The following SLC1A3 variants were observed in gnomAD, a reference collection of about 807,000 sequenced individuals.
The protein encoded by SLC1A3 is solute carrier family 1 member 3, also known as excitatory amino acid transporter 1.
SLC1A3 carries 21 observed loss-of-function variants against 48.1 expected under a neutral mutation model. The observed-to-expected ratio is 0.44, with a 90% CI of 0.31 to 0.63. The LOEUF (loss-of-function observed/expected upper bound fraction) is 0.63. SLC1A3 is among the 20% of genes least tolerant of loss of function. The probability of loss-of-function intolerance (pLI) is 0.08; values close to 1 mark genes in which losing one functional copy is unlikely to be tolerated. For synonymous variants in SLC1A3, 239 were observed against 251.4 expected (o/e 0.95, Z 0.47); for missense variants, 546 against 689.0 (o/e 0.79, Z 2.32).
chr5:36,671,240 C>T lies in SLC1A3; in HGVS notation c.524+7C>T. On this transcript the variant is annotated splice_region_variant and intron_variant, in intron 4 of 9. Transcript: ENST00000265113. ...CCTTCCTGGACTTGATCAGGTATGT[C>T]CTTGCAAGCCCGTCCTTTGGGGTGT... is the stretch of plus-strand genomic sequence containing the variant. 1 of 1,604,906 alleles carries T rather than the reference C, an allele frequency of 6.2e-7. No homozygotes were observed. The highest frequency in any genetic ancestry group is 8.5e-7 in the Non-Finnish European group (1 of 1,172,118).
upstream of SLC1A3, among the ~76,000 whole-genome samples, chr5:36,604,224 T>C (rs577330595): frequency 2.1e-4 from 32 of 152,290 alleles, no homozygotes; most frequent in African/African-American, 7.7e-4. Flanking sequence ...ATACTAACAT[T>C]AATATGATCC....
At chr5:36,598,130 TA>T (rs1437152963) in intron 1 of SLC1A3, among the ~76,000 whole-genome samples, 1 of 152,232 alleles carries the variant, frequency 6.6e-6, no homozygotes, top group African/African-American at 2.4e-5. Context: ...GTGTAGCGCT[TA>T]AGTTCCCAGG....
At chr5:36,680,915 CAAAAA>C (rs10710837) in intron 8 of SLC1A3, among the ~76,000 whole-genome samples, 1 of 84,850 alleles carries the variant, frequency 1.2e-5, no homozygotes. Context: ...GACTCCATCT[CAAAAA>C]AAAAAAAAAA....
chr5:36,664,087 A>G (rs1221342194), intron 3 of SLC1A3, among the ~76,000 whole-genome samples: 1 of 152,196 alleles, frequency 6.6e-6, no homozygotes, highest in East Asian at 1.9e-4. Context: ...GGAAACAAAG[A>G]TGGTAGGAAG....
chr5:36,684,167 C>T (rs938796101), intron 9 of SLC1A3, among the ~76,000 whole-genome samples, 169 bp downstream of exon 9: 5 of 152,322 alleles, frequency 3.3e-5, no homozygotes, highest in South Asian at 2.1e-4. Context: ...ATCTGGAGAC[C>T]GAGCCCCAGA....
chr5:36,650,471 C>G (rs1250560704), intron 3 of SLC1A3, among the ~76,000 whole-genome samples: 1 of 152,212 alleles, frequency 6.6e-6, no homozygotes, highest in Non-Finnish European at 1.5e-5. Flanking sequence ...GACAGAGTCT[C>G]TGAATCTGTT....
At chr5:36,644,921 C>T (rs1308199278) in intron 3 of SLC1A3, among the ~76,000 whole-genome samples, 2 of 152,122 alleles carry the variant, frequency 1.3e-5, no homozygotes, top group Admixed American at 1.3e-4. Context: ...ACAGGAGGAC[C>T]TCTGGATTAC....
intron 3 of SLC1A3, chr5:36,630,166 G>A (rs1347174032): frequency 1.3e-5 from 2 of 156,126 alleles, no homozygotes; most frequent in Non-Finnish European, 2.8e-5. Flanking sequence ...ATGCTAGTGG[G>A]AGAAGGGGGA....
chr5:36,673,253 C>T (rs980938627), intron 4 of SLC1A3, among the ~76,000 whole-genome samples: 11 of 152,154 alleles, frequency 7.2e-5, no homozygotes, highest in African/African-American at 2.7e-4. Flanking sequence ...CCTGTGATAA[C>T]TGCTGGATCA....
chr5:36,677,594 C>T (rs1396231837), intron 6 of SLC1A3, among the ~76,000 whole-genome samples: 2 of 152,264 alleles, frequency 1.3e-5, no homozygotes, highest in Non-Finnish European at 1.5e-5. Flanking sequence ...GGGAGACAGA[C>T]AATAAACAAA....
intron 2 of SLC1A3, among the ~76,000 whole-genome samples, chr5:36,622,871 G>T (rs944020867): frequency 1.3e-5 from 2 of 151,902 alleles, no homozygotes; most frequent in Non-Finnish European, 2.9e-5. Context: ...AATTAGCCGG[G>T]TGTGGTGGCA....
At chr5:36,621,702 TA>T (rs1364136532) in intron 2 of SLC1A3, among the ~76,000 whole-genome samples, 1 of 152,216 alleles carries the variant, frequency 6.6e-6, no homozygotes, top group Non-Finnish European at 1.5e-5. Context: ...GGGCTAGGAC[TA>T]GAATCTCGAC....
chr5:36,631,681 C>T (rs1053004139), intron 3 of SLC1A3, among the ~76,000 whole-genome samples: 1 of 152,168 alleles, frequency 6.6e-6, no homozygotes, highest in Admixed American at 6.5e-5. Flanking sequence ...GAATTTAGTT[C>T]GCCAAAGATC....
At chr5:36,642,982 CCATT>C (rs1300591165) in intron 3 of SLC1A3, among the ~76,000 whole-genome samples, 5 of 152,036 alleles carry the variant, frequency 3.3e-5, no homozygotes, top group Non-Finnish European at 5.9e-5. Context: ...GGAATACTAC[CCATT>C]CATATAATGA....
intron 3 of SLC1A3, among the ~76,000 whole-genome samples, chr5:36,639,841 C>T (rs1018365955): frequency 3.9e-5 from 6 of 152,206 alleles, no homozygotes; most frequent in African/African-American, 9.7e-5. Flanking sequence ...CATGCACGCA[C>T]GCACACACAC....
intron 2 of SLC1A3, among the ~76,000 whole-genome samples, chr5:36,613,757 A>G (rs1739305467): frequency 6.6e-6 from 1 of 152,082 alleles, no homozygotes; most frequent in African/African-American, 2.4e-5. Flanking sequence ...CTGTGCTTTC[A>G]CTCAGCAGAG....
intron 3 of SLC1A3, among the ~76,000 whole-genome samples, chr5:36,635,791 A>G (rs930635200): frequency 6.6e-6 from 1 of 152,150 alleles, no homozygotes; most frequent in Non-Finnish European, 1.5e-5. Context: ...CTGAGTCTCC[A>G]TCTTAACACT....
At chr5:36,652,213 A>G (rs1741108931) in intron 3 of SLC1A3, among the ~76,000 whole-genome samples, 1 of 152,174 alleles carries the variant, frequency 6.6e-6, no homozygotes, top group African/African-American at 2.4e-5. Context: ...TGAGTGTTAC[A>G]TGAGAGTTTT....
At chr5:36,624,201 CT>C (rs1739808763) in intron 2 of SLC1A3, among the ~76,000 whole-genome samples, 1 of 152,184 alleles carries the variant, frequency 6.6e-6, no homozygotes, top group African/African-American at 2.4e-5. Flanking sequence ...TAGCTGTTGA[CT>C]TCGTTAAGTA....
Sources: gnomAD v4.1 joint callset for allele counts (sites outside exome capture counted in the v4.1 genomes callset) on GRCh38, gnomAD v4.1.1 for gene constraint, MANE v1.5 for transcripts, NCBI Gene and HGNC (gene_info 2026-07-23, HGNC 2026-07-21) for gene names.